Variants in CCDC93 observed in about 807,000 individuals in gnomAD.
CCDC93 encodes CCC complex scaffolding subunit CCDC93, also known as coiled-coil domain-containing protein 93.
CCDC93 carries 61 observed loss-of-function variants against 108.2 expected under a neutral mutation model. That is an observed-to-expected ratio of 0.56 (90% CI 0.46 to 0.70). CCDC93 has a LOEUF of 0.70. Ranked by LOEUF, CCDC93 falls within the 30% of genes least tolerant of loss-of-function variation. The pLI is 0.00. For synonymous variants in CCDC93, 276 were observed against 260.4 expected (o/e 1.06, Z -0.58); for missense variants, 685 against 764.2 (o/e 0.90, Z 1.22).
intron 11 of CCDC93, among the ~76,000 whole-genome samples, chr2:117,959,631 C>T (rs552716994): frequency 6.6e-6 from 1 of 152,290 alleles, no homozygotes; most frequent in South Asian, 2.1e-4. Context: ...AGTTCTTCTG[C>T]TACTTAACAA....
At chr2:117,973,862 A>G (rs779790720) in intron 11 of CCDC93, 46 bp downstream of exon 11, 10 of 1,436,854 alleles carry the variant, frequency 7.0e-6, no homozygotes, top group Admixed American at 1.8e-5. Flanking sequence ...GAACAAAGCC[A>G]TGGAGCATTA....
chr2:117,949,542 T>G, intron 13 of CCDC93, 147 bp from the exon 14 acceptor site: 2 of 663,022 alleles, frequency 3.0e-6, no homozygotes, highest in South Asian at 3.9e-5. Context: ...AATTACATCA[T>G]ACAACAGAAT....
intron 11 of CCDC93, among the ~76,000 whole-genome samples, chr2:117,960,201 C>T (rs1412268294): frequency 6.6e-6 from 1 of 152,198 alleles, no homozygotes; most frequent in Non-Finnish European, 1.5e-5. Context: ...AGCCGAATTA[C>T]ATAAGCCTTC....
chr2:117,933,858 A>G (rs771875456), intron 22 of CCDC93, among the ~76,000 whole-genome samples: 27 of 152,140 alleles, frequency 1.8e-4, no homozygotes, highest in Non-Finnish European at 3.7e-4. Flanking sequence ...TCACTCATTC[A>G]ACAAATAGTC....
intron 13 of CCDC93, chr2:117,949,785 T>G: frequency 1.0e-6 from 1 of 985,404 alleles, no homozygotes; most frequent in Non-Finnish European, 1.2e-6. Flanking sequence ...CCACCCCTTC[T>G]TGCCCTAAGA....
intron 22 of CCDC93, among the ~76,000 whole-genome samples, chr2:117,931,833 T>A (rs561163682): frequency 6.6e-6 from 1 of 152,330 alleles, no homozygotes; most frequent in East Asian, 1.9e-4. Context: ...AGGCTTTGAT[T>A]TAAAGAGACT....
chr2:117,980,366 T>G (rs937323656), intron 7 of CCDC93, among the ~76,000 whole-genome samples: 1 of 152,232 alleles, frequency 6.6e-6, no homozygotes, highest in Non-Finnish European at 1.5e-5. Flanking sequence ...CTTTCCTTTT[T>G]TATGCCTTTA....
intron 12 of CCDC93, 74 bp downstream of exon 12, chr2:117,958,291 C>G: frequency 2.1e-6 from 2 of 953,590 alleles, no homozygotes; most frequent in South Asian, 1.4e-5. Flanking sequence ...AGTATGCCAA[C>G]CCCCGTTCTG....
rs1188066146 is a variant in CCDC93 at position 117,973,165 on chromosome 2, G to GTCACAGAGAGTCAGGGCAGAGCTAATT, written c.888+716_888+742dup. On this transcript the variant is annotated intron_variant, in intron 11 of 23. Transcript: ENST00000376300. ...CTGTGCAATCACTTCAGAAGAATAT[G>GTCACAGAGAGTCAGGGCAGAGCTAATT]TCACAGAGAGTCAGGGCAGAGCTAA... Among the ~76,000 whole-genome samples the GTCACAGAGAGTCAGGGCAGAGCTAATT allele has an allele frequency of 3.3e-4, 50 of 152,160 alleles. 2 individuals are homozygous for GTCACAGAGAGTCAGGGCAGAGCTAATT. The highest frequency in any genetic ancestry group is 2.9e-5 in the Non-Finnish European group (2 of 68,024).
chr2:118,006,373 T>C (rs1676869011), intron 3 of CCDC93, among the ~76,000 whole-genome samples: 1 of 152,028 alleles, frequency 6.6e-6, no homozygotes, highest in Non-Finnish European at 1.5e-5. Context: ...TCAGGTGAGA[T>C]CTCTAGCAAG....
chr2:118,002,253 CT>C (rs1286045938), intron 3 of CCDC93, among the ~76,000 whole-genome samples: 1 of 152,164 alleles, frequency 6.6e-6, no homozygotes, highest in African/African-American at 2.4e-5. Context: ...CCACCTTTAT[CT>C]TTCTGCAGTT....
At chr2:118,011,737 C>A (rs1573538269) in intron 1 of CCDC93, among the ~76,000 whole-genome samples, 1 of 152,184 alleles carries the variant, frequency 6.6e-6, no homozygotes, top group Non-Finnish European at 1.5e-5. Flanking sequence ...CTGGCCACCC[C>A]ACCACAGATG....
intron 6 of CCDC93, among the ~76,000 whole-genome samples, chr2:117,991,827 T>G (rs201486285): frequency 6.6e-6 from 1 of 152,218 alleles, no homozygotes; most frequent in East Asian, 1.9e-4. Flanking sequence ...AAGGAGGGAT[T>G]TTCCTTGAGG....
intron 23 of CCDC93, among the ~76,000 whole-genome samples, chr2:117,928,768 C>G (rs961785302): frequency 6.6e-6 from 1 of 152,092 alleles, no homozygotes; most frequent in Non-Finnish European, 1.5e-5. Flanking sequence ...GGGTACATAC[C>G]CAAAGGATTA....
chr2:117,983,021 G>C (rs1285659751), intron 7 of CCDC93, among the ~76,000 whole-genome samples: 4 of 152,158 alleles, frequency 2.6e-5, no homozygotes, highest in Non-Finnish European at 5.9e-5. Context: ...TCACATGTTA[G>C]AACAGGGTTT....
intron 11 of CCDC93, among the ~76,000 whole-genome samples, chr2:117,969,831 G>C (rs1395224125): frequency 6.6e-6 from 1 of 152,170 alleles, no homozygotes; most frequent in Middle Eastern, 3.2e-3. Context: ...TTAGAGATAA[G>C]ATTTATTAAG....
intron 23 of CCDC93, among the ~76,000 whole-genome samples, chr2:117,926,846 T>G (rs1301527423): frequency 6.6e-6 from 1 of 152,156 alleles, no homozygotes; most frequent in Non-Finnish European, 1.5e-5. Context: ...ATATCCCTGA[T>G]GAACATTGAT....
intron 23 of CCDC93, among the ~76,000 whole-genome samples, chr2:117,926,988 C>T (rs1051541091): frequency 6.6e-6 from 1 of 152,086 alleles, no homozygotes. Flanking sequence ...TAAACATAAT[C>T]CAGCATATAA....
intron 12 of CCDC93, among the ~76,000 whole-genome samples, chr2:117,953,720 G>A (rs888204704): frequency 1.6e-4 from 15 of 91,194 alleles, no homozygotes; most frequent in Non-Finnish European, 2.6e-4. Flanking sequence ...GTGAGACTCT[G>A]CTGTCTCCAA....
Sources: allele counts gnomAD v4.1 joint callset (sites outside exome capture counted in the v4.1 genomes callset), GRCh38; gene constraint gnomAD v4.1.1; transcripts MANE v1.5; gene names NCBI Gene and HGNC (gene_info 2026-07-23, HGNC 2026-07-21).